Variants in SHISA9 observed in about 807,000 individuals in gnomAD.
SHISA9 encodes shisa family member 9, also known as protein shisa-9.
In SHISA9, 13 loss-of-function variants were observed where a neutral mutation model predicts 38.0. That is an observed-to-expected ratio of 0.34 (90% CI 0.22 to 0.54). The LOEUF is 0.54. SHISA9 is among the 20% of genes least tolerant of loss of function. SHISA9 has a pLI of 0.91. For missense variants in SHISA9, 538 were observed against 575.8 expected (o/e 0.93, Z 0.67); for synonymous variants, 275 against 242.0 (o/e 1.14, Z -1.27).
chr16:13,560,503 A>G, the SHISA9 span, among the ~76,000 whole-genome samples: 1 of 152,202 alleles, frequency 6.6e-6, no homozygotes, highest in Non-Finnish European at 1.5e-5. Flanking sequence ...TTTCCACACT[A>G]TATAGACGTA....
the SHISA9 span, among the ~76,000 whole-genome samples, chr16:13,473,519 T>C: frequency 6.6e-6 from 1 of 152,072 alleles, no homozygotes; most frequent in Non-Finnish European, 1.5e-5. Context: ...GCCCACTGAG[T>C]TGAATAATTG....
chr16:13,129,611 A>G (rs2050290171), intron 2 of SHISA9, among the ~76,000 whole-genome samples: 1 of 152,176 alleles, frequency 6.6e-6, no homozygotes, highest in Non-Finnish European at 1.5e-5. Context: ...AAAGATGCAT[A>G]CACCCTCTGC....
the SHISA9 span, among the ~76,000 whole-genome samples, chr16:13,530,731 C>T: frequency 0.26 from 39,951 of 151,942 alleles, 5,508 homozygotes; most frequent in East Asian, 0.53. Context: ...TGATTTCCTT[C>T]AGGCAGCACC....
At chr16:13,004,082 G>T (rs1466240723) in intron 2 of SHISA9, among the ~76,000 whole-genome samples, 2 of 152,178 alleles carry the variant, frequency 1.3e-5, no homozygotes, top group Non-Finnish European at 2.9e-5. Context: ...GAGGCATTTG[G>T]CAGATTCTTT....
chr16:13,240,796 C>T (rs919723472), downstream of SHISA9, among the ~76,000 whole-genome samples: 7 of 152,134 alleles, frequency 4.6e-5, no homozygotes, highest in African/African-American at 1.4e-4. Context: ...ATGGAAGATT[C>T]GATTCTTCCC....
chr16:13,416,276 A>G, the SHISA9 span, among the ~76,000 whole-genome samples: 1 of 152,188 alleles, frequency 6.6e-6, no homozygotes, highest in African/African-American at 2.4e-5. Context: ...TTTATGCAGT[A>G]ATTAATTTAA....
At chr16:13,330,540 A>G in the SHISA9 span, among the ~76,000 whole-genome samples, 1 of 152,204 alleles carries the variant, frequency 6.6e-6, no homozygotes, top group African/African-American at 2.4e-5. Flanking sequence ...ATAGGCATCT[A>G]TCATCCCACT....
the SHISA9 span, among the ~76,000 whole-genome samples, chr16:13,258,116 A>G: frequency 6.6e-6 from 1 of 152,210 alleles, no homozygotes; most frequent in Admixed American, 6.5e-5. Flanking sequence ...GCCATCTGCC[A>G]TCTACTCTCT....
chr16:12,913,336 A>C (rs1276779840), intron 1 of SHISA9, among the ~76,000 whole-genome samples: 1 of 152,100 alleles, frequency 6.6e-6, no homozygotes, highest in Non-Finnish European at 1.5e-5. Context: ...AGCCGGGATT[A>C]CAGGTGCCCA....
chr16:13,384,734 C>G, the SHISA9 span, among the ~76,000 whole-genome samples: 1 of 152,216 alleles, frequency 6.6e-6, no homozygotes, highest in Non-Finnish European at 1.5e-5. Flanking sequence ...CAGCCATGAT[C>G]TGCTAGACAC....
chr16:13,337,130 G>T, the SHISA9 span, among the ~76,000 whole-genome samples: 1 of 152,084 alleles, frequency 6.6e-6, no homozygotes, highest in Non-Finnish European at 1.5e-5. Context: ...TGTCAAGGAG[G>T]CCCCCTTCTG....
the SHISA9 span, among the ~76,000 whole-genome samples, chr16:13,536,343 C>G: frequency 6.6e-6 from 1 of 152,056 alleles, no homozygotes; most frequent in Non-Finnish European, 1.5e-5. Flanking sequence ...TCTACATATC[C>G]CTGTGGCTAC....
At chr16:13,056,147 G>C (rs1248263161) in intron 2 of SHISA9, among the ~76,000 whole-genome samples, 1 of 152,176 alleles carries the variant, frequency 6.6e-6, no homozygotes, top group South Asian at 2.1e-4. Context: ...TAATATATAG[G>C]ATATAGGGGC....
the SHISA9 span, among the ~76,000 whole-genome samples, chr16:13,489,596 A>T: frequency 2.0e-5 from 3 of 152,078 alleles, no homozygotes; most frequent in African/African-American, 4.8e-5. Context: ...AGATCTGATG[A>T]TGTTATAAGT....
intron 2 of SHISA9, among the ~76,000 whole-genome samples, chr16:12,972,020 A>C (rs71386742): frequency 0.17 from 24,751 of 147,222 alleles, 2,167 homozygotes; most frequent in Admixed American, 0.21. Flanking sequence ...AAATTAGGCA[A>C]AATCTCTGCT....
the SHISA9 span, among the ~76,000 whole-genome samples, chr16:13,331,113 T>C: frequency 6.6e-6 from 1 of 152,156 alleles, no homozygotes; most frequent in East Asian, 1.9e-4. Flanking sequence ...AGGAGGTGGA[T>C]AAAAGGCTGG....
chr16:13,511,239 T>C, the SHISA9 span, among the ~76,000 whole-genome samples: 1 of 152,332 alleles, frequency 6.6e-6, no homozygotes, highest in South Asian at 2.1e-4. Context: ...GAGATGAAAC[T>C]GTATTGCTAG....
At chr16:12,979,027 C>T (rs1263378524) in intron 2 of SHISA9, among the ~76,000 whole-genome samples, 6 of 152,152 alleles carry the variant, frequency 3.9e-5, no homozygotes, top group Non-Finnish European at 8.8e-5. Context: ...CGTTATACAC[C>T]TTGACTCATC....
At chr16:12,982,313 C>T (rs1472222008) in intron 2 of SHISA9, among the ~76,000 whole-genome samples, 1 of 152,184 alleles carries the variant, frequency 6.6e-6, no homozygotes, top group Non-Finnish European at 1.5e-5. Flanking sequence ...GTCACACTAG[C>T]CATATGCCAA....
Sources: gnomAD v4.1 joint callset for allele counts (sites outside exome capture counted in the v4.1 genomes callset) on GRCh38, gnomAD v4.1.1 for gene constraint, MANE v1.5 for transcripts, NCBI Gene and HGNC (gene_info 2026-07-23, HGNC 2026-07-21) for gene names.